Variants in TMEM268 observed in about 807,000 individuals in gnomAD.
TMEM268 encodes transmembrane protein C9orf91.
TMEM268 carries 24 observed loss-of-function variants against 39.1 expected under a neutral mutation model. That is an observed-to-expected ratio of 0.61 (90% confidence interval 0.44 to 0.86). TMEM268 has a LOEUF of 0.86. Ranked by LOEUF, TMEM268 falls within the 40% of genes least tolerant of loss-of-function variation. The pLI is 0.00. For synonymous variants in TMEM268, 176 were observed against 173.5 expected, an observed-to-expected ratio of 1.01 and a Z score of -0.12; for missense variants, 409 against 428.6, an observed-to-expected ratio of 0.95 and a Z score of 0.40.
intron 6 of TMEM268, among the ~76,000 whole-genome samples, chr9:114,635,924 A>G (rs1230145814): frequency 6.6e-6 from 1 of 152,156 alleles, no homozygotes; most frequent in East Asian, 1.9e-4. Context: ...TATGCTAGGA[A>G]ATTTTCATAG....
chr9:114,621,676 T>G (rs1221554840), intron 2 of TMEM268, among the ~76,000 whole-genome samples: 1 of 152,104 alleles, frequency 6.6e-6, no homozygotes, highest in Non-Finnish European at 1.5e-5. Flanking sequence ...TGAGCTGGGA[T>G]ACAAATGATG....
At chr9:114,622,495 A>G (rs1261015344) in intron 2 of TMEM268, 1 of 985,080 alleles carries the variant, frequency 1.0e-6, no homozygotes, top group Non-Finnish European at 1.2e-6. Flanking sequence ...TTGGAACTGC[A>G]GGCAGGTAGG....
chr9:114,605,128 T>G, the TMEM268 span, among the ~76,000 whole-genome samples: 1 of 152,350 alleles, frequency 6.6e-6, no homozygotes, highest in East Asian at 1.9e-4. Context: ...GTACCAGAAG[T>G]CAGCAAAAGC....
chr9:114,608,639 G>A (rs563750217), upstream of TMEM268, among the ~76,000 whole-genome samples: 131 of 152,314 alleles, frequency 8.6e-4, no homozygotes, highest in African/African-American at 3.0e-3. Flanking sequence ...TATCATCAGT[G>A]AGTAAAGCTT....
chr9:114,610,750 C>T (rs1381680996), upstream of TMEM268, among the ~76,000 whole-genome samples: 1 of 152,196 alleles, frequency 6.6e-6, no homozygotes, highest in African/African-American at 2.4e-5. Flanking sequence ...CTCATTAAAT[C>T]TTCACACGAC....
At chr9:114,634,893 A>G (rs1483899967) in intron 6 of TMEM268, among the ~76,000 whole-genome samples, 1 of 152,188 alleles carries the variant, frequency 6.6e-6, no homozygotes, top group Admixed American at 6.6e-5. Flanking sequence ...AGATGACATC[A>G]CAAGATTCTC....
upstream of TMEM268, among the ~76,000 whole-genome samples, chr9:114,610,617 CTT>C (rs1356428552): frequency 6.6e-6 from 1 of 152,158 alleles, no homozygotes; most frequent in African/African-American, 2.4e-5. Flanking sequence ...AGGTTACTTA[CTT>C]TTAACCGTAG....
upstream of TMEM268, among the ~76,000 whole-genome samples, chr9:114,606,849 G>C (rs1845372501): frequency 7.3e-6 from 1 of 136,842 alleles, no homozygotes; most frequent in South Asian, 2.4e-4. Context: ...ACTGGCACAT[G>C]AGCTCCAAAA....
rs200051807 is a variant in TMEM268, at chr9:114,627,026, C to T, written c.324+20C>T. 1.4e-4 allele frequency: 213 copies of T among 1,525,280 alleles called. 1 individual carries two copies. The African/African-American group carries it at 2.7e-3, about 19-fold the overall frequency. The allele number at this position is 1,525,280 out of a possible 1,614,324, so 94.5% of individuals were successfully genotyped here. A position where few individuals can be genotyped will look rare whatever the true frequency, so the allele number is the denominator to read the frequency against. ...GCTGTGGTAAGGGGGAGGTGGCCCGCACACTGACCCTGCCCTGACAGCTTA... is the reference window on the plus strand; with the variant it reads ...GCTGTGGTAAGGGGGAGGTGGCCCGTACACTGACCCTGCCCTGACAGCTTA... On this transcript the variant is annotated intron_variant, in intron 4 of 8. Transcript: ENST00000288502.
chr9:114,623,472 G>A (rs1451517560), intron 2 of TMEM268, among the ~76,000 whole-genome samples: 1 of 152,232 alleles, frequency 6.6e-6, no homozygotes, highest in Admixed American at 6.5e-5. Context: ...AGTTCTGTAA[G>A]TTAGATGTCT....
At chr9:114,615,283 C>G (rs1845659726) in intron 1 of TMEM268, among the ~76,000 whole-genome samples, 1 of 152,130 alleles carries the variant, frequency 6.6e-6, no homozygotes, top group Non-Finnish European at 1.5e-5. Flanking sequence ...GGAGAGTGTC[C>G]TTTGTTCAGA....
chr9:114,610,672 G>C (rs1428207964), upstream of TMEM268, among the ~76,000 whole-genome samples: 1 of 152,240 alleles, frequency 6.6e-6, no homozygotes, highest in Non-Finnish European at 1.5e-5. Flanking sequence ...GTGAGCCCTT[G>C]TGAGTATAGC....
At chr9:114,631,629 G>A (rs1273518146) in intron 5 of TMEM268, among the ~76,000 whole-genome samples, 1 of 152,146 alleles carries the variant, frequency 6.6e-6, no homozygotes, top group Admixed American at 6.5e-5. Flanking sequence ...TGAGAGGTAC[G>A]TTAGGAATTG....
intron 2 of TMEM268, among the ~76,000 whole-genome samples, chr9:114,618,805 A>G (rs1845834131): frequency 6.6e-6 from 1 of 152,230 alleles, no homozygotes. Context: ...CATTTATCAT[A>G]GTCTGTAAAT....
intron 8 of TMEM268, among the ~76,000 whole-genome samples, chr9:114,642,602 G>C (rs1827403554): frequency 6.6e-6 from 1 of 151,862 alleles, no homozygotes. Flanking sequence ...ATTTGTGGCT[G>C]GCTAGGTTTA....
chr9:114,605,648 C>T, the TMEM268 span, among the ~76,000 whole-genome samples: 1 of 152,074 alleles, frequency 6.6e-6, no homozygotes, highest in African/African-American at 2.4e-5. Context: ...CGGCCGGGTG[C>T]AGTGGCTGAC....
chr9:114,615,340 C>G (rs966636648), intron 1 of TMEM268: 1 of 152,330 alleles, frequency 6.6e-6, no homozygotes, highest in African/African-American at 2.4e-5. Context: ...TCCTTTGCGG[C>G]AACCCTGTGG....
At chr9:114,620,604 G>A (rs541922065) in intron 2 of TMEM268, among the ~76,000 whole-genome samples, 8 of 152,250 alleles carry the variant, frequency 5.3e-5, no homozygotes, top group African/African-American at 1.9e-4. Flanking sequence ...CAAGGTGTGG[G>A]AGGGTAAAAA....
chr9:114,612,134 C>CAAACA (rs1489057459), intron 1 of TMEM268, among the ~76,000 whole-genome samples: 2 of 152,160 alleles, frequency 1.3e-5, no homozygotes, highest in South Asian at 4.1e-4. Flanking sequence ...GTGTTTTTCA[C>CAAACA]AAACAAAACA....
Sources: gnomAD v4.1 joint callset for allele counts (sites outside exome capture counted in the v4.1 genomes callset) on GRCh38, gnomAD v4.1.1 for gene constraint, MANE v1.5 for transcripts, NCBI Gene and HGNC (gene_info 2026-07-23, HGNC 2026-07-21) for gene names.